The following COL19A1 variants were observed in gnomAD, a reference collection of about 807,000 sequenced individuals.
COL19A1 encodes collagen alpha-1(XIX) chain.
COL19A1 carries 159 observed loss-of-function variants against 190.2 expected under a neutral mutation model. That is an observed-to-expected ratio of 0.84 (90% CI 0.73 to 0.95). The LOEUF is 0.95. Ranked by LOEUF, COL19A1 falls within the 40% of genes least tolerant of loss-of-function variation. The pLI, the probability that COL19A1 is intolerant of heterozygous loss-of-function variation, is 0.00. For synonymous variants in COL19A1, 509 were observed against 458.9 expected (o/e 1.11, Z -1.39); for missense variants, 1,418 against 1,431.9 (o/e 0.99, Z 0.16).
intron 27 of COL19A1, 81 bp downstream of exon 27, chr6:70,146,970 G>T: frequency 1.6e-6 from 2 of 1,238,352 alleles, no homozygotes; most frequent in South Asian, 1.6e-5. Flanking sequence ...AAGGAGAAAA[G>T]AATAGAAAGG....
intron 17 of COL19A1, among the ~76,000 whole-genome samples, chr6:70,126,024 T>C (rs1365820306): frequency 2.0e-5 from 3 of 152,190 alleles, no homozygotes; most frequent in African/African-American, 7.2e-5. Context: ...GATGTTGTTT[T>C]TAAAGCTCCA....
At chr6:70,115,022 A>C (rs1352154601) in intron 16 of COL19A1, among the ~76,000 whole-genome samples, 1 of 152,204 alleles carries the variant, frequency 6.6e-6, no homozygotes, top group Admixed American at 6.5e-5. Flanking sequence ...AGTTAACCTG[A>C]AGACTTGGCT....
chr6:70,091,902 T>C lies in COL19A1; in HGVS notation c.1225-10267T>C, dbSNP rs144858593. ...CAGACTTCAAATTACTTTTACCCAG[T>C]TACAGCTTCAGGTGACATTGGATGT... On this transcript the variant is annotated intron_variant, in intron 15 of 50. Coordinates refer to ENST00000620364, the MANE Select transcript of COL19A1 (RefSeq NM_001858.6). 5.3e-5 allele frequency among the ~76,000 whole-genome samples: 8 copies of C among 152,288 alleles called. No individual in the cohort carries two copies. In the East Asian group the frequency reaches 1.5e-3, roughly 29 times the overall value.
At chr6:70,035,205 G>C (rs1779285844) in intron 13 of COL19A1, among the ~76,000 whole-genome samples, 1 of 152,192 alleles carries the variant, frequency 6.6e-6, no homozygotes, top group Non-Finnish European at 1.5e-5. Context: ...TTTAATGTTT[G>C]AGAGTTCTTA....
chr6:69,868,453 C>T (rs1331036529), intron 1 of COL19A1, among the ~76,000 whole-genome samples: 9 of 152,112 alleles, frequency 5.9e-5, no homozygotes, highest in Non-Finnish European at 1.3e-4. Flanking sequence ...CCCCCAGAGG[C>T]AGAAAATTTA....
intron 1 of COL19A1, among the ~76,000 whole-genome samples, chr6:69,878,058 G>C (rs1266722501): frequency 6.6e-6 from 1 of 151,864 alleles, no homozygotes; most frequent in Non-Finnish European, 1.5e-5. Flanking sequence ...GAGTTGAATA[G>C]ACATGTCTCC....
At chr6:69,970,574 C>T (rs2150054479) in intron 11 of COL19A1, among the ~76,000 whole-genome samples, 1 of 152,058 alleles carries the variant, frequency 6.6e-6, no homozygotes, top group South Asian at 2.1e-4. Context: ...GGTGATTATG[C>T]CTATTATTTA....
intron 44 of COL19A1, among the ~76,000 whole-genome samples, chr6:70,183,686 G>A (rs570124266): frequency 3.3e-5 from 5 of 152,292 alleles, no homozygotes; most frequent in African/African-American, 1.2e-4. Flanking sequence ...GTTTCAGAAA[G>A]GTTGGCGAAC....
At chr6:70,065,624 A>T (rs1029645903) in intron 14 of COL19A1, among the ~76,000 whole-genome samples, 2 of 152,172 alleles carry the variant, frequency 1.3e-5, no homozygotes, top group Non-Finnish European at 2.9e-5. Context: ...TAATTAAACT[A>T]AAGAGCTTCT....
At chr6:69,887,203 C>G (rs1488572758) in intron 2 of COL19A1, among the ~76,000 whole-genome samples, 1 of 152,078 alleles carries the variant, frequency 6.6e-6, no homozygotes, top group African/African-American at 2.4e-5. Context: ...ATGGAAAGCC[C>G]CTTTCTACTA....
intron 16 of COL19A1, among the ~76,000 whole-genome samples, chr6:70,117,559 T>A (rs1784647955): frequency 6.6e-6 from 1 of 152,224 alleles, no homozygotes; most frequent in African/African-American, 2.4e-5. Flanking sequence ...TTAATTCACT[T>A]TATCACACCT....
Position 70,085,714 on chromosome 6 carries a change from G to T in COL19A1, c.1225-16455G>T, listed in dbSNP as rs1428753248. Among the ~76,000 whole-genome samples the T allele has an allele frequency of 2.7e-5, 4 of 150,512 alleles. No homozygotes were observed. The Admixed American group carries it at 2.7e-4, about 10-fold the overall frequency. On this transcript the variant is annotated intron_variant, in intron 15 of 50. Coordinates refer to ENST00000620364, the MANE Select transcript of COL19A1 (RefSeq NM_001858.6). Reference sequence around the variant, plus strand: ...GGAATATGTCAGAAGGCTTTTTTAAGGTCACCATATATCTAACCTCTTGAA... The same window carrying T: ...GGAATATGTCAGAAGGCTTTTTTAATGTCACCATATATCTAACCTCTTGAA...
At position 70,031,246 on chromosome 6, in the gene COL19A1, TA is replaced by T. The variant is rs200192539; in HGVS notation, c.1081-2997del. ...TTGCGTGGCTGGATCCTTTTTTTTT[TA>T]ATTTGAGCAAATTCATGAGGTACAT... is the stretch of plus-strand genomic sequence containing the variant. On this transcript the variant is annotated intron_variant, in intron 12 of 50. Transcript: ENST00000620364. Among the ~76,000 whole-genome samples the T allele has an allele frequency of 1.8e-3, 278 of 151,608 alleles. 1 individual carries two copies. Among genetic ancestry groups the T allele is most frequent in the African/African-American group, 2.5e-3 (102 of 41,268 alleles).
intron 11 of COL19A1, among the ~76,000 whole-genome samples, chr6:70,021,900 TC>T (rs1778435448): frequency 6.6e-6 from 1 of 152,226 alleles, no homozygotes; most frequent in Non-Finnish European, 1.5e-5. Context: ...TAGCTTAAAA[TC>T]CTCAGCTTTA....
At chr6:69,962,334 G>A (rs942943867) in intron 10 of COL19A1, among the ~76,000 whole-genome samples, 38 of 152,272 alleles carry the variant, frequency 2.5e-4, no homozygotes, top group Non-Finnish European at 4.4e-4. Flanking sequence ...TGGTGTCGAA[G>A]GTAGAGCCAG....
chr6:69,990,825 A>T (rs931695111), intron 11 of COL19A1, among the ~76,000 whole-genome samples: 8 of 152,048 alleles, frequency 5.3e-5, no homozygotes, highest in African/African-American at 1.9e-4. Context: ...AGGCCAATTA[A>T]TTCATTCAGG....
chr6:69,925,939 A>G (rs1772356292), intron 4 of COL19A1, among the ~76,000 whole-genome samples: 1 of 152,192 alleles, frequency 6.6e-6, no homozygotes, highest in Non-Finnish European at 1.5e-5. Context: ...TTGATTTTGT[A>G]TCCTGAGACT....
chr6:70,100,592 C>T (rs1401151114), intron 15 of COL19A1, among the ~76,000 whole-genome samples: 27 of 145,002 alleles, frequency 1.9e-4, no homozygotes, highest in African/African-American at 6.7e-4. Flanking sequence ...GTGCAATTCT[C>T]CCGTGTTCAA....
rs1204674594 is a variant in COL19A1, at chr6:70,004,175, C to T, written c.1027-19452C>T. On this transcript the variant is annotated intron_variant, in intron 11 of 50. Coordinates refer to ENST00000620364, the MANE Select transcript of COL19A1 (RefSeq NM_001858.6). ...TGAAATTCTAGGTTGAAAATCCTTT[C>T]TTTTAAGAATGTTGAATATTGGTCC... Among the ~76,000 whole-genome samples the T allele has an allele frequency of 5.9e-5, 9 of 152,138 alleles. No individual in the cohort carries two copies. The East Asian group carries it at 7.7e-4, about 13-fold the overall frequency.
Sources: allele counts gnomAD v4.1 joint callset (sites outside exome capture counted in the v4.1 genomes callset), GRCh38; gene constraint gnomAD v4.1.1; transcripts MANE v1.5; gene names NCBI Gene and HGNC (gene_info 2026-07-23, HGNC 2026-07-21).